NRXN3: variants seen among roughly 807,000 people sequenced by gnomAD.
NRXN3 encodes the protein neurexin III.
A neutral mutation model predicts 137.6 loss-of-function variants in NRXN3; 32 were observed. The ratio of observed to expected loss-of-function variants is 0.23; its 90% CI spans 0.18 to 0.31. The LOEUF (loss-of-function observed/expected upper bound fraction) is 0.31, where lower values mean the gene tolerates loss of function less well. NRXN3 is among the 10% of genes least tolerant of loss of function. The probability of loss-of-function intolerance (pLI) is 1.00; values close to 1 mark genes in which losing one functional copy is unlikely to be tolerated. For missense variants in NRXN3, 1,574 were observed against 2,062.5 expected, an observed-to-expected ratio of 0.76 and a Z score of 4.59; for synonymous variants, 798 against 784.5, an observed-to-expected ratio of 1.02 and a Z score of -0.29.
intron 15 of NRXN3, among the ~76,000 whole-genome samples, chr14:79,023,545 A>C (rs1437363738): frequency 6.6e-6 from 1 of 152,126 alleles, no homozygotes; most frequent in Admixed American, 6.6e-5. Context: ...TCACACTGCT[A>C]TAAAGAAATA....
intron 6 of NRXN3, among the ~76,000 whole-genome samples, chr14:78,675,009 G>C (rs1441494858): frequency 1.3e-5 from 2 of 152,152 alleles, no homozygotes; most frequent in Non-Finnish European, 1.5e-5. Flanking sequence ...CCACACAGCA[G>C]GTGCTCAGTG....
At chr14:79,549,567 G>A (rs10467836) in intron 16 of NRXN3, among the ~76,000 whole-genome samples, 26,302 of 151,956 alleles carry the variant, frequency 0.17, 3,511 homozygotes, top group African/African-American at 0.37. Flanking sequence ...TAGGGCCCTG[G>A]AATAAGCAAT....
At chr14:79,560,504 C>CTTTTTTTTTTTTTTTTTTTTTTATT (rs2097482873) in intron 16 of NRXN3, among the ~76,000 whole-genome samples, 1 of 43,770 alleles carries the variant, frequency 2.3e-5, no homozygotes, top group Non-Finnish European at 4.0e-5. Flanking sequence ...AGATTGTAAG[C>CTTTTTTTTTTTTTTTTTTTTTTATT]TTTTTTTTTT....
At chr14:79,307,251 A>T (rs2086251528) in intron 15 of NRXN3, among the ~76,000 whole-genome samples, 1 of 152,136 alleles carries the variant, frequency 6.6e-6, no homozygotes, top group East Asian at 1.9e-4. Flanking sequence ...CCATATCAAT[A>T]AATTGACAGA....
rs1301386351 is a variant in NRXN3 at position 78,184,451 on chromosome 14, C to G, written c.-704+13777C>G. 2.6e-5 allele frequency among the ~76,000 whole-genome samples: 4 copies of G among 152,188 alleles called. No individual in the cohort carries two copies. In the East Asian group the frequency reaches 7.7e-4, roughly 29 times the overall value. Reference sequence around the variant, plus strand: ...TCTTATGTCTTAAGAGGGAAGGAAACACTGCAGGGCTTCTCTCTCTTTGGC... The same window carrying G: ...TCTTATGTCTTAAGAGGGAAGGAAAGACTGCAGGGCTTCTCTCTCTTTGGC... On this transcript the variant is annotated intron_variant, in intron 1 of 20. Transcript: ENST00000335750.
chr14:79,355,038 TA>T (rs2093367703), intron 15 of NRXN3, among the ~76,000 whole-genome samples: 1 of 152,222 alleles, frequency 6.6e-6, no homozygotes, highest in African/African-American at 2.4e-5. Flanking sequence ...GATGGTTTTT[TA>T]ACAATGTTGC....
intron 15 of NRXN3, among the ~76,000 whole-genome samples, chr14:79,266,779 T>C (rs2078522707): frequency 6.6e-6 from 1 of 152,202 alleles, no homozygotes; most frequent in East Asian, 1.9e-4. Context: ...AACCTATTTG[T>C]CCATATCTCC....
intron 4 of NRXN3, among the ~76,000 whole-genome samples, chr14:78,626,838 C>A (rs186684555): frequency 6.6e-6 from 1 of 152,188 alleles, no homozygotes; most frequent in East Asian, 1.9e-4. Context: ...TTGGAATGCC[C>A]GTCAGGGCTC....
At chr14:79,577,551 G>A (rs1347943888) in intron 16 of NRXN3, among the ~76,000 whole-genome samples, 2 of 152,160 alleles carry the variant, frequency 1.3e-5, no homozygotes, top group Non-Finnish European at 2.9e-5. Flanking sequence ...CTTCAGAAAT[G>A]TAGGTACATT....
chr14:78,689,484 T>C (rs2098151251), intron 6 of NRXN3, among the ~76,000 whole-genome samples: 1 of 152,138 alleles, frequency 6.6e-6, no homozygotes, highest in Non-Finnish European at 1.5e-5. Context: ...CTAAGTCCTT[T>C]TCAGTTAAAT....
intron 15 of NRXN3, among the ~76,000 whole-genome samples, chr14:79,401,640 C>A (rs750246401): frequency 6.6e-6 from 1 of 152,114 alleles, no homozygotes; most frequent in Non-Finnish European, 1.5e-5. Flanking sequence ...TCCAGAGTCA[C>A]GTGAGAAAAC....
intron 15 of NRXN3, among the ~76,000 whole-genome samples, chr14:79,133,713 C>T (rs1386444129): frequency 6.6e-6 from 1 of 151,854 alleles, no homozygotes; most frequent in Non-Finnish European, 1.5e-5. Flanking sequence ...ATCACGAGGT[C>T]AGGGGATCGA....
At chr14:78,274,566 G>A (rs1189051866) in intron 2 of NRXN3, among the ~76,000 whole-genome samples, 1 of 152,172 alleles carries the variant, frequency 6.6e-6, no homozygotes, top group Non-Finnish European at 1.5e-5. Context: ...ACCGTATCAG[G>A]TTAGAAGAAC....
intron 4 of NRXN3, among the ~76,000 whole-genome samples, chr14:78,610,974 C>G (rs2097295710): frequency 6.6e-6 from 1 of 152,152 alleles, no homozygotes; most frequent in South Asian, 2.1e-4. Context: ...CTGTTCTCTC[C>G]TTTGTCATGT....
At position 79,565,454 on chromosome 14, in the gene NRXN3, G is replaced by C. The variant is rs141565384; in HGVS notation, c.3444+98052G>C. Among the ~76,000 whole-genome samples, 3 of 151,210 alleles carry C rather than the reference G, an allele frequency of 2.0e-5. No individual in the cohort carries two copies. In the East Asian group the frequency reaches 5.9e-4, roughly 30 times the overall value. The stretch of plus-strand genomic sequence containing the variant: ...GAATGAGCTTTTTCTTTTAAAATTG[G>C]CCTGTACTTTCTTTGAGAAGCCTTG... On this transcript the variant is annotated intron_variant, in intron 16 of 20. Coordinates refer to ENST00000335750, the MANE Select transcript of NRXN3 (RefSeq NM_001330195.2).
chr14:79,284,818 C>T (rs1267306259), intron 15 of NRXN3, among the ~76,000 whole-genome samples: 1 of 152,086 alleles, frequency 6.6e-6, no homozygotes, highest in Non-Finnish European at 1.5e-5. Context: ...CCTTCTTCTG[C>T]TCAGCCAGCT....
At chr14:78,920,756 G>A (rs946673785) in intron 10 of NRXN3, among the ~76,000 whole-genome samples, 15 of 152,100 alleles carry the variant, frequency 9.9e-5, no homozygotes, top group African/African-American at 3.6e-4. Flanking sequence ...ACCACGACAT[G>A]TTCTTTATTT....
At chr14:79,203,671 G>A (rs1304840295) in intron 15 of NRXN3, among the ~76,000 whole-genome samples, 1 of 152,170 alleles carries the variant, frequency 6.6e-6, no homozygotes, top group African/African-American at 2.4e-5. Flanking sequence ...TTCAAAATGT[G>A]TGCTAAAGCT....
At chr14:79,136,313 T>C (rs1405998424) in intron 15 of NRXN3, among the ~76,000 whole-genome samples, 1 of 152,220 alleles carries the variant, frequency 6.6e-6, no homozygotes, top group Non-Finnish European at 1.5e-5. Flanking sequence ...CAAACAGGAC[T>C]AGGACATAGA....
Sources: allele counts gnomAD v4.1 joint callset (sites outside exome capture counted in the v4.1 genomes callset), GRCh38; gene constraint gnomAD v4.1.1; transcripts MANE v1.5; gene names NCBI Gene and HGNC (gene_info 2026-07-23, HGNC 2026-07-21).